The following RALGAPA1 variants were observed in gnomAD, a reference collection of about 807,000 sequenced individuals.
RALGAPA1 encodes Ral GTPase activating protein catalytic subunit alpha 1.
In RALGAPA1, 52 loss-of-function variants were observed where a neutral mutation model predicts 269.6. The observed-to-expected ratio is 0.19, with a 90% CI of 0.15 to 0.24. The LOEUF (loss-of-function observed/expected upper bound fraction) is 0.24. RALGAPA1 is among the 10% of genes least tolerant of loss of function. RALGAPA1 has a pLI of 1.00. For missense variants in RALGAPA1, 1,917 were observed against 3,013.9 expected, an observed-to-expected ratio of 0.64 and a Z score of 8.52; for synonymous variants, 817 against 1,008.3, an observed-to-expected ratio of 0.81 and a Z score of 3.60.
intron 35 of RALGAPA1, among the ~76,000 whole-genome samples, chr14:35,611,080 T>A (rs1366809788): frequency 2.0e-5 from 3 of 152,148 alleles, no homozygotes; most frequent in Non-Finnish European, 4.4e-5. Context: ...GTAATCCCTA[T>A]CAAAATCCCA....
At chr14:35,584,143 A>C (rs2058122118) in intron 37 of RALGAPA1, among the ~76,000 whole-genome samples, 1 of 151,610 alleles carries the variant, frequency 6.6e-6, no homozygotes, top group Non-Finnish European at 1.5e-5. Context: ...GCTCATATTC[A>C]TATATATATA....
intron 4 of RALGAPA1, chr14:35,766,109 T>C: frequency 1.1e-5 from 12 of 1,058,396 alleles, no homozygotes; most frequent in Non-Finnish European, 1.8e-5. Flanking sequence ...TAGGATCAGA[T>C]ACTGGAGGGC....
intron 35 of RALGAPA1, among the ~76,000 whole-genome samples, chr14:35,622,081 A>G (rs548645134): frequency 2.0e-5 from 3 of 152,340 alleles, no homozygotes; most frequent in African/African-American, 7.2e-5. Flanking sequence ...TTACTGCGGC[A>G]CTATTCACAA....
chr14:35,544,319 A>G (rs1266102849), intron 41 of RALGAPA1, among the ~76,000 whole-genome samples: 1 of 152,214 alleles, frequency 6.6e-6, no homozygotes, highest in African/African-American at 2.4e-5. Context: ...CTCTCTATCA[A>G]CAGCAGGAAG....
At chr14:35,668,676 T>A (rs1242856268) in intron 26 of RALGAPA1, among the ~76,000 whole-genome samples, 1 of 152,014 alleles carries the variant, frequency 6.6e-6, no homozygotes, top group East Asian at 1.9e-4. Context: ...ACTCTAGGTG[T>A]GTGCCTATAG....
intron 27 of RALGAPA1, 26 bp downstream of exon 27, chr14:35,664,616 C>G: frequency 6.4e-7 from 1 of 1,560,136 alleles, no homozygotes; most frequent in Non-Finnish European, 8.7e-7. Flanking sequence ...CATTTAAGTG[C>G]TAAAAATTAG....
rs1409771018 is a variant in RALGAPA1, at chr14:35,760,937, G to C, written c.439C>G (p.Gln147Glu). Reference protein sequence around the residue: ...QALQNNCSKEQLWMFSCLIPG... With the variant: ...QALQNNCSKEELWMFSCLIPG... ...ATTAAGCATGAAAACATCCAGAGCT[G>C]TTCTTTGCTACAGTTATTCTGAAGA... Residue 147 changes from glutamine (Q) to glutamate (E), a missense_variant, in exon 6 of 42, where the codon CAG becomes GAG. Physicochemically the swap from Gln to Glu is conservative, Grantham distance 29 (BLOSUM62 2). Around this residue, in one of 11 missense-constraint regions of RALGAPA1, gnomAD observed 462 missense variants for 725.6 expected, o/e 0.64. Transcript: ENST00000680220. 6.2e-7 allele frequency: 1 copy of C among 1,610,712 alleles called. No homozygotes were observed. Among genetic ancestry groups the C allele is most frequent in the Non-Finnish European group, 8.5e-7 (1 of 1,177,354 alleles).
intron 26 of RALGAPA1, among the ~76,000 whole-genome samples, chr14:35,670,991 C>T (rs561963511): frequency 5.3e-5 from 8 of 151,256 alleles, no homozygotes; most frequent in Admixed American, 3.9e-4. Context: ...GGATGCCTTA[C>T]CAAGTTTCTT....
chr14:35,640,915 A>G (rs1339705012), intron 31 of RALGAPA1, among the ~76,000 whole-genome samples: 1 of 151,940 alleles, frequency 6.6e-6, no homozygotes, highest in Non-Finnish European at 1.5e-5. Context: ...GGATTCAAGG[A>G]TGATTCAACA....
At chr14:35,605,454 A>T in intron 36 of RALGAPA1, 132 bp downstream of exon 36, 1 of 937,878 alleles carries the variant, frequency 1.1e-6, no homozygotes, top group East Asian at 2.8e-5. Context: ...AATGGAAGGC[A>T]GAAACAATAA....
At chr14:35,725,196 T>C in intron 13 of RALGAPA1, 43 bp from the exon 14 acceptor site, 2 of 1,462,426 alleles carry the variant, frequency 1.4e-6, no homozygotes, top group Non-Finnish European at 1.8e-6. Context: ...CTTGCATATG[T>C]TTGCATTTGG....
chr14:35,570,139 G>A (rs2057057594), intron 39 of RALGAPA1, among the ~76,000 whole-genome samples: 1 of 151,848 alleles, frequency 6.6e-6, no homozygotes. Flanking sequence ...GTGTGGTGGT[G>A]GATGCCTGTA....
intron 39 of RALGAPA1, among the ~76,000 whole-genome samples, chr14:35,567,093 T>C (rs1203651791): frequency 1.3e-5 from 2 of 151,880 alleles, no homozygotes; most frequent in Admixed American, 6.6e-5. Flanking sequence ...ATCTACCTGA[T>C]TTAATGTATT....
At chr14:35,552,179 C>G (rs770838119) in intron 39 of RALGAPA1, among the ~76,000 whole-genome samples, 2 of 152,136 alleles carry the variant, frequency 1.3e-5, no homozygotes, top group Admixed American at 6.5e-5. Context: ...CCCCGGCCCC[C>G]GCTTTTTTTA....
intron 1 of RALGAPA1, among the ~76,000 whole-genome samples, chr14:35,782,661 T>C (rs1161781833): frequency 6.6e-6 from 1 of 151,710 alleles, no homozygotes; most frequent in Non-Finnish European, 1.5e-5. Flanking sequence ...TAACCTAAGG[T>C]GATCCACCCG....
chr14:35,659,374 A>G (rs2063396416), intron 27 of RALGAPA1, among the ~76,000 whole-genome samples, 178 bp from the exon 28 acceptor site: 1 of 152,150 alleles, frequency 6.6e-6, no homozygotes, highest in Non-Finnish European at 1.5e-5. Flanking sequence ...ATTTATAGCC[A>G]AAAGCATACG....
At chr14:35,783,724 G>A (rs1161667006) in intron 1 of RALGAPA1, among the ~76,000 whole-genome samples, 1 of 152,066 alleles carries the variant, frequency 6.6e-6, no homozygotes, top group African/African-American at 2.4e-5. Context: ...TAATTCAATT[G>A]TAAAACAAAA....
At chr14:35,558,682 T>G (rs1369304294) in intron 39 of RALGAPA1, among the ~76,000 whole-genome samples, 1 of 152,172 alleles carries the variant, frequency 6.6e-6, no homozygotes, top group African/African-American at 2.4e-5. Flanking sequence ...TTTTTGCTTC[T>G]TCTCTTTTCT....
chr14:35,563,464 G>C (rs2056456002), intron 39 of RALGAPA1, among the ~76,000 whole-genome samples: 1 of 152,116 alleles, frequency 6.6e-6, no homozygotes, highest in African/African-American at 2.4e-5. Context: ...GGGTAAAGAT[G>C]GGGGATGGAG....
Sources: gnomAD v4.1 joint callset for allele counts (sites outside exome capture counted in the v4.1 genomes callset) on GRCh38, gnomAD v4.1.1 for gene constraint, gnomAD v4.1.1 regional missense constraint, MANE v1.5 for transcripts, NCBI Gene and HGNC (gene_info 2026-07-23, HGNC 2026-07-21) for gene names.